The following ZNF423 variants were observed in gnomAD, a reference collection of about 807,000 sequenced individuals.
ZNF423 encodes the protein zinc finger protein 423, also known as Ebf-associated zinc finger protein.
A neutral mutation model predicts 95.8 loss-of-function variants in ZNF423; 12 were observed. The observed-to-expected ratio is 0.13, with a 90% confidence interval of 0.08 to 0.20. The LOEUF (loss-of-function observed/expected upper bound fraction) is 0.20, where lower values mean the gene tolerates loss of function less well. Among genes scored for constraint, ZNF423 ranks in the 10% least tolerant of loss-of-function variants. The pLI, the probability that ZNF423 is intolerant of heterozygous loss-of-function variation, is 1.00. For synonymous variants in ZNF423, 749 were observed against 711.9 expected (o/e 1.05, Z -0.83); for missense variants, 1,316 against 1,737.1 (o/e 0.76, Z 4.31).
At chr16:49,553,299 T>C (rs1020428294) in intron 5 of ZNF423, among the ~76,000 whole-genome samples, 3 of 152,122 alleles carry the variant, frequency 2.0e-5, no homozygotes, top group African/African-American at 7.2e-5. Context: ...TGGTCATGAT[T>C]AAAAATGTAA....
intron 3 of ZNF423, among the ~76,000 whole-genome samples, chr16:49,647,464 G>A (rs539176510): frequency 1.3e-5 from 2 of 152,332 alleles, no homozygotes; most frequent in South Asian, 4.1e-4. Context: ...AATTAAGGTT[G>A]ACAATTGGCT....
chr16:49,659,698 T>C (rs1432636604), intron 3 of ZNF423, among the ~76,000 whole-genome samples: 1 of 152,198 alleles, frequency 6.6e-6, no homozygotes, highest in Admixed American at 6.5e-5. Flanking sequence ...TCACCCCAGA[T>C]CCTGCACATG....
At chr16:49,535,042 G>C (rs766363059) in intron 5 of ZNF423, among the ~76,000 whole-genome samples, 9 of 152,280 alleles carry the variant, frequency 5.9e-5, no homozygotes, top group Non-Finnish European at 8.8e-5. Context: ...TCAGAGCAGG[G>C]CCTGACTGAG....
chr16:49,505,462 G>T (rs56011820), intron 7 of ZNF423, among the ~76,000 whole-genome samples: 36,610 of 152,090 alleles, frequency 0.24, 4,418 homozygotes, highest in Middle Eastern at 0.29. Flanking sequence ...CGGATATTCT[G>T]AGGGGGCCTC....
At chr16:49,821,160 AG>A (rs1382613912) in intron 1 of ZNF423, among the ~76,000 whole-genome samples, 3 of 152,096 alleles carry the variant, frequency 2.0e-5, no homozygotes, top group African/African-American at 7.2e-5. Context: ...ATAAAATTTG[AG>A]ACCTGAACAA....
intron 4 of ZNF423, among the ~76,000 whole-genome samples, chr16:49,631,268 C>A (rs899101904): frequency 2.0e-5 from 3 of 152,196 alleles, no homozygotes; most frequent in African/African-American, 7.2e-5. Context: ...CACACACCCT[C>A]ATGTACACAC....
chr16:49,633,810 T>C (rs1972586672), intron 4 of ZNF423, among the ~76,000 whole-genome samples: 1 of 152,160 alleles, frequency 6.6e-6, no homozygotes, highest in Admixed American at 6.5e-5. Context: ...GGTACTGCTA[T>C]AGCCCCTAAA....
At chr16:49,859,119 G>A (rs1196312930), upstream of ZNF423, among the ~76,000 whole-genome samples, 1 of 152,138 alleles carries the variant, frequency 6.6e-6, no homozygotes, top group African/African-American at 2.4e-5. Context: ...ATGCGTGTGC[G>A]GGACGAAAGA....
chr16:49,785,923 C>T (rs980521588), intron 2 of ZNF423, among the ~76,000 whole-genome samples: 10 of 152,370 alleles, frequency 6.6e-5, no homozygotes, highest in Non-Finnish European at 1.0e-4. Flanking sequence ...TGAAGTCACA[C>T]ATGAAACCCT....
rs2035157183 is a variant in ZNF423 at position 49,839,263 on chromosome 16, C to T, written c.40+16472G>A. ...ACCTCCCGTCCTGGAAATCTCGGCC[C>T]CCACACCCAGACACTTCCTCCCACC... On this transcript the variant is annotated intron_variant, in intron 1 of 7. Transcript: ENST00000563137. Among the ~76,000 whole-genome samples, 4 of 152,062 alleles carry T rather than the reference C, an allele frequency of 2.6e-5. No individual in the cohort carries two copies. In the South Asian group the frequency reaches 8.3e-4, roughly 32 times the overall value.
intron 3 of ZNF423, among the ~76,000 whole-genome samples, chr16:49,646,602 G>C (rs1164245390): frequency 9.7e-6 from 1 of 102,846 alleles, no homozygotes. Context: ...AAGGAGTCTC[G>C]CTCTGTCACC....
At chr16:49,591,935 G>A (rs976314506) in intron 5 of ZNF423, among the ~76,000 whole-genome samples, 1 of 152,232 alleles carries the variant, frequency 6.6e-6, no homozygotes, top group Non-Finnish European at 1.5e-5. Context: ...AACTTCTGGG[G>A]TGTGGGTCAC....
chr16:49,661,566 T>C (rs1473465979), intron 3 of ZNF423, among the ~76,000 whole-genome samples: 1 of 152,228 alleles, frequency 6.6e-6, no homozygotes, highest in African/African-American at 2.4e-5. Flanking sequence ...TGGGCTTCCC[T>C]GTCTCTGTCC....
chr16:49,637,637 G>T lies in ZNF423; in HGVS notation c.1539C>A (p.Gly513=). 6.2e-7 allele frequency: 1 copy of T among 1,614,042 alleles called. No homozygotes were observed. The highest frequency in any genetic ancestry group is 8.5e-7 in the Non-Finnish European group (1 of 1,180,044). The change falls in exon 4 of 8, where the codon GGC becomes GGA. Residue 513 remains glycine, a synonymous_variant. Transcript: ENST00000563137. The surrounding 1 kb of genome is among the most constrained non-coding windows in gnomAD (Gnocchi z 5.6). The part of the protein sequence containing the change: ...LQEHIRVSHC[G]PNANPSDGNN... ...TACCGTCAGAGGGGTTGGCGTTGGG[G>T]CCGCAGTGGGAGACGCGGATGTGCT...
chr16:49,648,927 A>T (rs574985999), intron 3 of ZNF423, among the ~76,000 whole-genome samples: 144 of 152,328 alleles, frequency 9.5e-4, no homozygotes, highest in Non-Finnish European at 1.6e-3. Context: ...AGAAGGGATT[A>T]TCCAGGAAAT....
intron 2 of ZNF423, among the ~76,000 whole-genome samples, chr16:49,751,321 A>G (rs894008785): frequency 3.9e-5 from 6 of 152,204 alleles, no homozygotes; most frequent in African/African-American, 1.4e-4. Flanking sequence ...TCCTGGGCTC[A>G]AGTGATCCTC....
In ZNF423 at chr16:49,845,035, CAAAAAAAAAAAAAAAA is replaced by C. The variant is rs71138011; in HGVS notation, c.40+10684_40+10699del. 6.9e-4 allele frequency among the ~76,000 whole-genome samples: 44 copies of C among 63,514 alleles called. 1 individual carries two copies. Among genetic ancestry groups the C allele is most frequent in the Non-Finnish European group, 8.9e-4 (34 of 38,328 alleles). 41.7% of individuals were successfully genotyped at this position (63,514 alleles called of 152,430 possible). A position where few individuals can be genotyped will look rare whatever the true frequency, so the allele number is the denominator to read the frequency against. On this transcript the variant is annotated intron_variant, in intron 1 of 7. Coordinates refer to ENST00000563137, the MANE Select transcript of ZNF423 (RefSeq NM_001379286.1). ...GGGCATCAAGAGCGAAACTCCATCT[CAAAAAAAAAAAAAAAA>C]AAAAAAAAAAAACAAATCTTTTAGA...
intron 2 of ZNF423, among the ~76,000 whole-genome samples, chr16:49,752,915 A>G (rs1270408205): frequency 6.6e-6 from 1 of 152,212 alleles, no homozygotes; most frequent in Non-Finnish European, 1.5e-5. Context: ...AGTCAACCGC[A>G]GAGACAAAAT....
In ZNF423 at chr16:49,590,050, A is replaced by ATATATATATG. The variant is rs552421632; in HGVS notation, c.3601+36119_3601+36120insCATATATATA. Among the ~76,000 whole-genome samples the ATATATATATG allele has an allele frequency of 4.8e-4, 56 of 117,574 alleles. 5 individuals carry two copies. The highest frequency in any genetic ancestry group is 2.2e-3 in the East Asian group (6 of 2,774). The allele number at this position is 117,574 out of a possible 152,430, so 77.1% of individuals were successfully genotyped here. A position where few individuals can be genotyped will look rare whatever the true frequency, so the allele number is the denominator to read the frequency against. On this transcript the variant is annotated intron_variant, in intron 5 of 7. Transcript: ENST00000563137. The stretch of plus-strand genomic sequence containing the variant: ...GGCGAATATATATATATATATATAT[A>ATATATATATG]TTTGGTCCATACAGACGTGACCAGA...
Sources: allele counts gnomAD v4.1 joint callset (sites outside exome capture counted in the v4.1 genomes callset), GRCh38; gene constraint gnomAD v4.1.1; non-coding constraint Gnocchi (gnomAD v3.1); transcripts MANE v1.5; gene names NCBI Gene and HGNC (gene_info 2026-07-23, HGNC 2026-07-21).